Variants in TUBD1 observed in about 807,000 individuals in gnomAD.
TUBD1 encodes tubulin delta 1.
In TUBD1, 38 loss-of-function variants were observed where a neutral mutation model predicts 51.2. The ratio of observed to expected loss-of-function variants is 0.74; its 90% CI spans 0.57 to 0.97. TUBD1 has a LOEUF of 0.97. Among genes scored for constraint, TUBD1 ranks in the 50% least tolerant of loss-of-function variants. TUBD1 has a pLI of 0.00. For synonymous variants in TUBD1, 169 were observed against 178.2 expected (o/e 0.95, Z 0.41); for missense variants, 489 against 538.4 (o/e 0.91, Z 0.91).
chr17:59,860,946 G>A (rs1173122854), intron 8 of TUBD1, among the ~76,000 whole-genome samples: 1 of 151,840 alleles, frequency 6.6e-6, no homozygotes, highest in East Asian at 1.9e-4. Flanking sequence ...AACTGGCAAA[G>A]GAGAGGCACC....
At chr17:59,861,195 AT>A (rs34020172) in intron 8 of TUBD1, among the ~76,000 whole-genome samples, 148 of 141,820 alleles carry the variant, frequency 1.0e-3, no homozygotes, top group Middle Eastern at 7.2e-3. Flanking sequence ...ACCCCACAAA[AT>A]TTTTTTTTTT....
chr17:59,865,088 C>T (rs2039637556), intron 7 of TUBD1, among the ~76,000 whole-genome samples: 1 of 151,932 alleles, frequency 6.6e-6, no homozygotes, highest in Admixed American at 6.6e-5. Flanking sequence ...GAACTCCTAG[C>T]CTCAAGCGAT....
At chr17:59,865,948 T>TGAA (rs2039678993) in intron 7 of TUBD1, among the ~76,000 whole-genome samples, 1 of 151,724 alleles carries the variant, frequency 6.6e-6, no homozygotes, top group Non-Finnish European at 1.5e-5. Context: ...CCGTCTCTAC[T>TGAA]AAAAATACAA....
chr17:59,872,797 A>C (rs1568297815), intron 6 of TUBD1, among the ~76,000 whole-genome samples: 1 of 147,092 alleles, frequency 6.8e-6, no homozygotes, highest in Admixed American at 6.9e-5. Context: ...ATGGAGTTTC[A>C]CTGTTATCAC....
intron 3 of TUBD1, chr17:59,885,552 C>T: frequency 6.9e-7 from 1 of 1,459,116 alleles, no homozygotes; most frequent in East Asian, 2.3e-5. Flanking sequence ...ACTACTAGAT[C>T]TGAGGAGGCT....
chr17:59,885,369 T>C (rs756077146), intron 3 of TUBD1: 2 of 794,806 alleles, frequency 2.5e-6, no homozygotes, highest in Non-Finnish European at 4.4e-6. Flanking sequence ...CACCTGTTTC[T>C]TGGAATGTCA....
rs538902320 is a variant in TUBD1, at chr17:59,889,465, G to A, written c.172+1366C>T. ...GCAGATCATTTGAGGTCAGGAGTTC[G>A]AGACCAGCCTGACCAACATGGTAAA... is the stretch of plus-strand genomic sequence containing the variant. On this transcript the variant is annotated intron_variant, in intron 2 of 8. Coordinates refer to ENST00000325752, the MANE Select transcript of TUBD1 (RefSeq NM_016261.4). 1.3e-4 allele frequency among the ~76,000 whole-genome samples: 20 copies of A among 150,932 alleles called. No individual in the cohort carries two copies. In the East Asian group the frequency reaches 3.2e-3, roughly 24 times the overall value.
intron 1 of TUBD1, chr17:59,891,940 G>A (rs887494038): frequency 6.6e-6 from 1 of 151,372 alleles, no homozygotes; most frequent in Admixed American, 6.6e-5. Context: ...ACTCCAGCCT[G>A]GGTGACAAAG....
At position 59,878,195 on chromosome 17, in the gene TUBD1, T is replaced by C; in HGVS notation, c.677A>G (p.Asp226Gly). 1.2e-6 allele frequency: 2 copies of C among 1,614,152 alleles called. No homozygotes were observed. Among genetic ancestry groups the C allele is most frequent in the Non-Finnish European group, 8.5e-7 (1 of 1,180,032 alleles). ...LMNIKQISFS[D>G]INQVLAHQLG... ...CTGATGTGCGAGGACTTGATTGATA[T>C]CACTAAAGGAGATCTGCTTGATATT... is the stretch of plus-strand genomic sequence containing the variant. Residue 226 changes from aspartate to glycine, a missense_variant, in exon 5 of 9, where the codon GAT becomes GGT. By Grantham distance (94) the Asp-to-Gly change is moderately conservative. Coordinates refer to ENST00000325752, the MANE Select transcript of TUBD1 (RefSeq NM_016261.4).
In TUBD1 at chr17:59,885,648, T is replaced by C. The variant is rs190303079; in HGVS notation, c.320+435A>G. On this transcript the variant is annotated intron_variant, in intron 3 of 8. Coordinates refer to ENST00000325752, the MANE Select transcript of TUBD1 (RefSeq NM_016261.4). Reference sequence around the variant, plus strand: ...AAATCCCTAATAAAACTCAGTGCTGTGGTTAAAAAAACAAAACAAAACAAA... The same window carrying C: ...AAATCCCTAATAAAACTCAGTGCTGCGGTTAAAAAAACAAAACAAAACAAA... 26 of 699,350 alleles carry C rather than the reference T, an allele frequency of 3.7e-5. No homozygotes were observed. The Admixed American group carries it at 5.1e-4, about 14-fold the overall frequency. The allele number at this position is 699,350 out of a possible 1,614,324, so 43.3% of individuals were successfully genotyped here.
rs767497675 is a variant in TUBD1, at chr17:59,860,432, A to T, written c.1260-8T>A. On this transcript the variant is annotated splice_region_variant and splice_polypyrimidine_tract_variant and intron_variant, in intron 8 of 8. Coordinates refer to ENST00000325752, the MANE Select transcript of TUBD1 (RefSeq NM_016261.4). ...TACTGATGAATGTAGGCTCTGGTAG[A>T]AAAAAAAAAAAAACAGAAATTACAA... 13 of 673,112 alleles carry T rather than the reference A, an allele frequency of 1.9e-5. No individual in the cohort carries two copies. The highest frequency in any genetic ancestry group is 2.3e-5 in the Non-Finnish European group (11 of 482,624). The allele number at this position is 673,112 out of a possible 1,614,324, so 41.7% of individuals were successfully genotyped here. A position where few individuals can be genotyped will look rare whatever the true frequency, so the allele number is the denominator to read the frequency against.
intron 6 of TUBD1, among the ~76,000 whole-genome samples, chr17:59,868,464 G>C (rs2039818838): frequency 6.6e-6 from 1 of 152,030 alleles, no homozygotes; most frequent in Non-Finnish European, 1.5e-5. Flanking sequence ...GAGAGGCTGA[G>C]GTGGAAGGAT....
chr17:59,863,116 CA>C (rs1440569618), intron 8 of TUBD1, among the ~76,000 whole-genome samples: 1 of 152,110 alleles, frequency 6.6e-6, no homozygotes, highest in African/African-American at 2.4e-5. Flanking sequence ...ATTTACTAGC[CA>C]GGCACTGTAC....
intron 3 of TUBD1, among the ~76,000 whole-genome samples, chr17:59,885,705 A>G (rs1287297766): frequency 2.0e-5 from 3 of 152,184 alleles, no homozygotes; most frequent in African/African-American, 7.2e-5. Context: ...AGTGAGCCCT[A>G]GGCATCAGGA....
Position 59,866,621 on chromosome 17 carries a change from T to G in TUBD1, c.1063A>C (p.Ser355Arg). 1 of 1,613,944 alleles carries G rather than the reference T, an allele frequency of 6.2e-7. No homozygotes were observed. Among genetic ancestry groups the G allele is most frequent in the Non-Finnish European group, 8.5e-7 (1 of 1,179,988 alleles). The part of the protein sequence containing the change: ...LVILRGKDVQ[S>R]ADVEGFKDPA... ...CTGAATTTCTTACCCACATCTGCAC[T>G]TTGCACATCTTTCCCACGAAGAATG... is the stretch of plus-strand genomic sequence containing the variant. Residue 355 changes from serine (S) to arginine (R), a missense_variant, in exon 7 of 9, where the codon AGT becomes CGT. Physicochemically the swap from Ser to Arg is moderately radical, Grantham distance 110. Coordinates refer to ENST00000325752, the MANE Select transcript of TUBD1 (RefSeq NM_016261.4).
chr17:59,861,599 G>A (rs1044670878), intron 8 of TUBD1, among the ~76,000 whole-genome samples: 1 of 152,120 alleles, frequency 6.6e-6, no homozygotes, highest in Admixed American at 6.6e-5. Flanking sequence ...ACCATTTAAC[G>A]AGAGTAGGAA....
chr17:59,886,475 G>A, intron 2 of TUBD1: 2 of 371,206 alleles, frequency 5.4e-6, no homozygotes, highest in South Asian at 4.2e-5. Flanking sequence ...AGAGTACCTG[G>A]GTCAGATTAG....
At chr17:59,866,231 CTTTTT>C (rs544961480) in intron 7 of TUBD1, among the ~76,000 whole-genome samples, 1 of 132,142 alleles carries the variant, frequency 7.6e-6, no homozygotes, top group Non-Finnish European at 1.7e-5. Context: ...GAAAACAATT[CTTTTT>C]TTTTTTTTTT....
chr17:59,886,133 T>C lies in TUBD1; in HGVS notation c.270A>G (p.Gln90=). ...AAQSGQWKYG[Q]HACFCQKQGS... ...CTTGTTTTTGACAGAAGCATGCATG[T>C]TGACCATATTTCCATTGGCCAGACT... The change falls in exon 3 of 9, where the codon CAA becomes CAG. Residue 90 remains glutamine, a synonymous_variant. Transcript: ENST00000325752. 6.2e-7 allele frequency: 1 copy of C among 1,614,098 alleles called. No homozygotes were observed. Among genetic ancestry groups the C allele is most frequent in the South Asian group, 1.1e-5 (1 of 91,078 alleles).
Sources: allele counts gnomAD v4.1 joint callset (sites outside exome capture counted in the v4.1 genomes callset), GRCh38; gene constraint gnomAD v4.1.1; transcripts MANE v1.5; gene names NCBI Gene and HGNC (gene_info 2026-07-23, HGNC 2026-07-21).